The following TRPV1 variants were observed in gnomAD, a reference collection of about 807,000 sequenced individuals.
TRPV1 encodes OTRPC1.
A neutral mutation model predicts 82.3 loss-of-function variants in TRPV1; 82 were observed. That is an observed-to-expected ratio of 1.00 (90% CI 0.83 to 1.20). The LOEUF is 1.20. Ranked by LOEUF, TRPV1 falls within the 50% of genes most tolerant of loss-of-function variation. TRPV1 has a pLI of 0.00. For synonymous variants in TRPV1, 515 were observed against 467.7 expected, an observed-to-expected ratio of 1.10 and a Z score of -1.30; for missense variants, 1,067 against 1,096.8, an observed-to-expected ratio of 0.97 and a Z score of 0.38.
Position 3,585,842 on chromosome 17 carries a change from A to T in TRPV1, c.1309T>A (p.Phe437Ile), listed in dbSNP as rs2075078106. Residue 437 changes from phenylalanine (F) to isoleucine (I), a missense_variant, in exon 9 of 17, where the codon TTC (phenylalanine) becomes ATC (isoleucine). Physicochemically the swap from Phe to Ile is conservative, Grantham distance 21. Coordinates refer to ENST00000572705, the MANE Select transcript of TRPV1 (RefSeq NM_080704.4). The part of the protein sequence containing the change: ...WDRFVKRIFY[F>I]NFLVYCLYMI... ...TACAGGCAGTAGACCAGGAAGTTGA[A>T]GTAGAAGATGCGCTTGACGAATCTG... 6.2e-7 allele frequency: 1 copy of T among 1,613,970 alleles called. No individual in the cohort carries two copies. The highest frequency in any genetic ancestry group is 8.5e-7 in the Non-Finnish European group (1 of 1,179,880).
At chr17:3,596,460 G>A (rs906650209) in intron 2 of TRPV1, among the ~76,000 whole-genome samples, 1 of 152,178 alleles carries the variant, frequency 6.6e-6, no homozygotes, top group African/African-American at 2.4e-5. Context: ...CCCAACCCAG[G>A]GGTGAAGAAC....
intron 2 of TRPV1, among the ~76,000 whole-genome samples, chr17:3,602,786 G>A (rs951873962): frequency 2.6e-5 from 4 of 152,150 alleles, no homozygotes; most frequent in Non-Finnish European, 4.4e-5. Flanking sequence ...ACTGGCCATC[G>A]GAGACAAATT....
chr17:3,599,337 A>G (rs2150857380), intron 2 of TRPV1, among the ~76,000 whole-genome samples: 1 of 152,296 alleles, frequency 6.6e-6, no homozygotes, highest in South Asian at 2.1e-4. Context: ...AGTGGCACTC[A>G]GTGCATTCAC....
intron 8 of TRPV1, 110 bp downstream of exon 8, chr17:3,588,078 G>A (rs532707754): frequency 2.4e-5 from 31 of 1,305,920 alleles, no homozygotes; most frequent in Non-Finnish European, 3.0e-5. Context: ...GGGCCCGGGC[G>A]CAGCAGGCTT....
At chr17:3,599,298 C>T (rs928735068) in intron 2 of TRPV1, among the ~76,000 whole-genome samples, 25 of 151,886 alleles carry the variant, frequency 1.6e-4, no homozygotes, top group Admixed American at 1.1e-3. Context: ...CAAAATTTAC[C>T]GTATTAACCA....
intron 10 of TRPV1, among the ~76,000 whole-genome samples, chr17:3,583,130 T>G (rs2075042345): frequency 6.6e-6 from 1 of 152,150 alleles, no homozygotes; most frequent in Non-Finnish European, 1.5e-5. Flanking sequence ...CAAGCTTGCC[T>G]GCCTTGGGCC....
intron 7 of TRPV1, among the ~76,000 whole-genome samples, chr17:3,589,492 G>A (rs892136751): frequency 3.3e-5 from 5 of 152,100 alleles, no homozygotes; most frequent in African/African-American, 9.7e-5. Flanking sequence ...GTGAGTCACC[G>A]TGCCCAGCCC....
chr17:3,593,094 G>A (rs1239216885), intron 2 of TRPV1, among the ~76,000 whole-genome samples: 1 of 5,106 alleles, frequency 2.0e-4, no homozygotes, highest in South Asian at 6.0e-3. Context: ...GTGTGTGTGT[G>A]TGTGTGTGTG....
intron 7 of TRPV1, 55 bp from the exon 8 acceptor site, chr17:3,588,422 C>T: frequency 1.3e-6 from 2 of 1,527,772 alleles, no homozygotes; most frequent in Non-Finnish European, 1.8e-6. Context: ...CAGCCTCAGA[C>T]AGTACCTCAA....
chr17:3,584,588 G>C (rs1367128884), intron 9 of TRPV1, among the ~76,000 whole-genome samples: 3 of 152,208 alleles, frequency 2.0e-5, no homozygotes, highest in African/African-American at 7.2e-5. Flanking sequence ...TTGAGGTCAG[G>C]AGTTCAAGAC....
At chr17:3,586,459 C>T (rs1043495528) in intron 8 of TRPV1, among the ~76,000 whole-genome samples, 4 of 152,236 alleles carry the variant, frequency 2.6e-5, no homozygotes, top group African/African-American at 9.6e-5. Flanking sequence ...GCAAATGTCT[C>T]ATATCCAGAG....
chr17:3,582,833 G>C (rs1053343989), intron 10 of TRPV1, among the ~76,000 whole-genome samples: 1 of 151,570 alleles, frequency 6.6e-6, no homozygotes, highest in African/African-American at 2.4e-5. Flanking sequence ...GGTGGCAGGC[G>C]CCTGTAATCC....
intron 2 of TRPV1, among the ~76,000 whole-genome samples, chr17:3,606,114 A>G (rs1315067409): frequency 6.6e-6 from 1 of 152,090 alleles, no homozygotes; most frequent in East Asian, 1.9e-4. Context: ...GCCGACCACC[A>G]TGCCCGGCTA....
chr17:3,567,155 C>T (rs1248085680), intron 16 of TRPV1, among the ~76,000 whole-genome samples, 168 bp from the exon 17 acceptor site: 3 of 147,276 alleles, frequency 2.0e-5, no homozygotes, highest in East Asian at 2.0e-4. Flanking sequence ...GTCAGGAGTT[C>T]AAGACCAGCC....
intron 2 of TRPV1, among the ~76,000 whole-genome samples, chr17:3,604,352 C>A (rs1468767386): frequency 1.3e-5 from 2 of 152,138 alleles, no homozygotes; most frequent in Non-Finnish European, 2.9e-5. Context: ...AATCCCAGCA[C>A]TTTGGGAGGC....
chr17:3,567,069 A>T, intron 16 of TRPV1, 82 bp from the exon 17 acceptor site: 2 of 1,522,130 alleles, frequency 1.3e-6, no homozygotes, highest in Non-Finnish European at 1.8e-6. Flanking sequence ...AGATAAAAGG[A>T]GGTCCAAGAC....
At chr17:3,594,157 C>CAAAAAAA (rs1567673368) in intron 2 of TRPV1, among the ~76,000 whole-genome samples, 6 of 111,226 alleles carry the variant, frequency 5.4e-5, no homozygotes, top group African/African-American at 4.3e-4. Context: ...AAAAAAGAAG[C>CAAAAAAA]AGCAGCAGCA....
chr17:3,590,837 C>A, intron 5 of TRPV1, 127 bp downstream of exon 5: 3 of 1,320,052 alleles, frequency 2.3e-6, no homozygotes, highest in Non-Finnish European at 3.0e-6. Flanking sequence ...GGATTAGGAG[C>A]CACCAACGCA....
chr17:3,580,149 G>T (rs1009968538), intron 11 of TRPV1, among the ~76,000 whole-genome samples: 1 of 152,006 alleles, frequency 6.6e-6, no homozygotes, highest in African/African-American at 2.4e-5. Context: ...CGCCATGTCT[G>T]TTTCATCCAG....
Sources: gnomAD v4.1 joint callset for allele counts (sites outside exome capture counted in the v4.1 genomes callset) on GRCh38, gnomAD v4.1.1 for gene constraint, MANE v1.5 for transcripts, NCBI Gene and HGNC (gene_info 2026-07-23, HGNC 2026-07-21) for gene names.